Variants in PLPP7 observed in about 807,000 individuals in gnomAD.
PLPP7 encodes the protein phospholipid phosphatase 7 (inactive), also known as inactive phospholipid phosphatase 7.
PLPP7 carries 11 observed loss-of-function variants against 16.9 expected under a neutral mutation model. The ratio of observed to expected loss-of-function variants is 0.65; its 90% CI spans 0.41 to 1.08. The LOEUF (loss-of-function observed/expected upper bound fraction) is 1.08. Ranked by LOEUF, PLPP7 falls within the 50% of genes least tolerant of loss-of-function variation. The pLI, the probability that PLPP7 is intolerant of heterozygous loss-of-function variation, is 0.00. For synonymous variants in PLPP7, 174 were observed against 175.1 expected (o/e 0.99, Z 0.05); for missense variants, 358 against 397.1 (o/e 0.90, Z 0.84).
intron 1 of PLPP7, among the ~76,000 whole-genome samples, chr9:131,306,718 G>C (rs1488570275): frequency 6.6e-6 from 1 of 152,200 alleles, no homozygotes; most frequent in African/African-American, 2.4e-5. Flanking sequence ...GGAGTGTCTA[G>C]AGGAGGCAAA....
Position 131,290,195 on chromosome 9 carries a change from AGAG to A in PLPP7, c.204_206del (p.Glu68del). 6.3e-7 allele frequency: 1 copy of A among 1,594,792 alleles called. No individual in the cohort carries two copies. The highest frequency in any genetic ancestry group is 8.6e-7 in the Non-Finnish European group (1 of 1,168,228). On this transcript the variant is annotated inframe_deletion, in exon 1 of 2. Transcript: ENST00000372264. This position sits in a 1 kb window ranked among gnomAD's most constrained non-coding sequence, Gnocchi z 4.2. ...AGCGACGCCAGTCACAGCAGCTGCC[AGAG>A]GAGGACTGCATGCAGCTGAACCCCT...
At chr9:131,305,528 T>C (rs960286577) in intron 1 of PLPP7, among the ~76,000 whole-genome samples, 4 of 152,004 alleles carry the variant, frequency 2.6e-5, no homozygotes, top group African/African-American at 9.7e-5. Context: ...CACTCCAGCC[T>C]GGGCAACAGA....
rs548546981 is a variant in PLPP7 at position 131,301,552 on chromosome 9, C to A, written c.452-6371C>A. On this transcript the variant is annotated intron_variant, in intron 1 of 1. Transcript: ENST00000372264. ...TCTTGAGGTGGTGGAGGTCTTGGAA[C>A]CTGGGCCAGACAATTTTGACCCTGG... Among the ~76,000 whole-genome samples the A allele has an allele frequency of 1.1e-4, 17 of 152,324 alleles. No homozygotes were observed. In the South Asian group the frequency reaches 1.2e-3, roughly 11 times the overall value.
Position 131,290,085 on chromosome 9 carries a change from AAGGGGGGCCCGGAGC to A in PLPP7, c.89_103del (p.Lys30_Pro35delinsThr), listed in dbSNP as rs1413344521. ...GTTCCTGTCCCTGAACCAGCCCCCC[AAGGGGGGCCCGGAGC>A]CCCGCAGCTCGGGCAGAAAGGCCTC... On this transcript the variant is annotated inframe_deletion, in exon 1 of 2. Transcript: ENST00000372264. The surrounding 1 kb of genome is among the most constrained non-coding windows in gnomAD (Gnocchi z 4.2). The A allele has an allele frequency of 2.0e-6, 3 of 1,510,464 alleles. No individual in the cohort carries two copies. The highest frequency in any genetic ancestry group is 2.7e-6 in the Non-Finnish European group (3 of 1,130,520). The allele number at this position is 1,510,464 out of a possible 1,614,324, so 93.6% of individuals were successfully genotyped here. A position where few individuals can be genotyped will look rare whatever the true frequency, so the allele number is the denominator to read the frequency against.
intron 1 of PLPP7, among the ~76,000 whole-genome samples, chr9:131,305,385 TA>T (rs57655140): frequency 0.66 from 99,469 of 150,188 alleles, 33,947 homozygotes; most frequent in Middle Eastern, 0.78. Context: ...TGCCCATCTG[TA>T]AAAAAAAAAT....
chr9:131,307,950 C>A lies in PLPP7; in HGVS notation c.479C>A (p.Ala160Asp). The change falls in exon 2 of 2, where the codon GCC becomes GAC. Residue 160 changes from alanine to aspartate, a missense_variant. Transcript: ENST00000372264. ...LALLLDIMTV[A>D]GVQKLIKRRG... ...CTGCTCCTGGACATCATGACGGTGG[C>A]CGGCGTGCAGAAGCTCATCAAGCGG... The A allele has an allele frequency of 6.3e-7, 1 of 1,594,756 alleles. No individual in the cohort carries two copies. Among genetic ancestry groups the A allele is most frequent in the Non-Finnish European group, 8.5e-7 (1 of 1,176,808 alleles).
intron 1 of PLPP7, among the ~76,000 whole-genome samples, chr9:131,293,557 C>CG (rs1835705224): frequency 6.6e-6 from 1 of 152,208 alleles, no homozygotes; most frequent in Non-Finnish European, 1.5e-5. Flanking sequence ...TCCCCTGCCC[C>CG]GGGGAAAGCA....
intron 1 of PLPP7, chr9:131,291,253 C>T (rs1005490453): frequency 7.5e-7 from 1 of 1,332,520 alleles, no homozygotes; most frequent in Non-Finnish European, 1.0e-6. Flanking sequence ...AAGCTTCCAC[C>T]CTCCACGCCA....
intron 1 of PLPP7, among the ~76,000 whole-genome samples, chr9:131,305,848 C>T (rs548928957): frequency 1.4e-4 from 22 of 152,204 alleles, no homozygotes; most frequent in African/African-American, 4.8e-4. Flanking sequence ...AGGCTAGTCT[C>T]GGACTCCTGG....
Position 131,295,878 on chromosome 9 carries a change from C to A in PLPP7, c.451+5430C>A, listed in dbSNP as rs1465282313. Among the ~76,000 whole-genome samples the A allele has an allele frequency of 6.6e-6, 1 of 152,190 alleles. No individual in the cohort carries two copies. The highest frequency in any genetic ancestry group is 2.4e-5 in the African/African-American group (1 of 41,442). The stretch of plus-strand genomic sequence containing the variant: ...GAATAATGCTCAGTTACAGGATGGA[C>A]CACATTTCGTGTATCCATTCGTGCA... On this transcript the variant is annotated intron_variant, in intron 1 of 1. Coordinates refer to ENST00000372264, the MANE Select transcript of PLPP7 (RefSeq NM_032728.4). The surrounding 1 kb of genome is among the most constrained non-coding windows in gnomAD (Gnocchi z 4.0).
At chr9:131,291,866 GCCACC>G (rs1490135384) in intron 1 of PLPP7, among the ~76,000 whole-genome samples, 3 of 152,206 alleles carry the variant, frequency 2.0e-5, no homozygotes, top group African/African-American at 7.2e-5. Flanking sequence ...ATAGGCATGA[GCCACC>G]GTGCCTGGCC....
At position 131,290,279 on chromosome 9, in the gene PLPP7, G is replaced by A. The variant is rs756402035; in HGVS notation, c.282G>A (p.Lys94=). The A allele has an allele frequency of 3.7e-6, 6 of 1,612,386 alleles. No homozygotes were observed. In the South Asian group the frequency reaches 5.5e-5, roughly 15 times the overall value. ...TGGCCATCGATATCTGTATGTCCAA[G>A]CGGCTGGGGGTGTGCGCTGGCCGGG... ...SLLAIDICMS[K]RLGVCAGRAA... The change falls in exon 1 of 2, where the codon AAG becomes AAA. Residue 94 remains lysine (K), a synonymous_variant. Coordinates refer to ENST00000372264, the MANE Select transcript of PLPP7 (RefSeq NM_032728.4). The surrounding 1 kb of genome is among the most constrained non-coding windows in gnomAD (Gnocchi z 4.2).
intron 1 of PLPP7, among the ~76,000 whole-genome samples, chr9:131,306,789 G>A (rs1040270918): frequency 1.2e-4 from 18 of 152,178 alleles, no homozygotes; most frequent in Non-Finnish European, 2.6e-4. Context: ...GATGGGGAGT[G>A]GCTGCTTCGT....
intron 1 of PLPP7, chr9:131,291,475 G>T: frequency 1.0e-6 from 1 of 1,002,214 alleles, no homozygotes; most frequent in Non-Finnish European, 1.2e-6. Flanking sequence ...ATGCTCTCTG[G>T]GTGGGACTCG....
At chr9:131,293,806 A>G (rs1002851655) in intron 1 of PLPP7, among the ~76,000 whole-genome samples, 23 of 152,110 alleles carry the variant, frequency 1.5e-4, no homozygotes, top group Admixed American at 3.9e-4. Context: ...AGCATTTGGC[A>G]TGGTGGGTGC....
intron 1 of PLPP7, among the ~76,000 whole-genome samples, chr9:131,301,081 G>C (rs1835793942): frequency 6.6e-6 from 1 of 152,134 alleles, no homozygotes; most frequent in Non-Finnish European, 1.5e-5. Context: ...CGATTGTCCT[G>C]CCTCAGACTC....
intron 1 of PLPP7, chr9:131,291,022 C>G: frequency 7.4e-7 from 1 of 1,348,972 alleles, no homozygotes; most frequent in Non-Finnish European, 9.9e-7. Flanking sequence ...CTTCCCTGCT[C>G]CTTCCCAGGG....
chr9:131,299,014 T>C (rs1021305855), intron 1 of PLPP7, among the ~76,000 whole-genome samples: 2 of 151,564 alleles, frequency 1.3e-5, no homozygotes, highest in Non-Finnish European at 2.9e-5. Context: ...AGCCCTGGTG[T>C]CCTCTGACAT....
chr9:131,292,831 A>C (rs1835695324), intron 1 of PLPP7: 5 of 985,258 alleles, frequency 5.1e-6, no homozygotes, highest in Non-Finnish European at 4.8e-6. Context: ...CAAACATTGA[A>C]AAATTTGCAA....
Sources: allele counts gnomAD v4.1 joint callset (sites outside exome capture counted in the v4.1 genomes callset), GRCh38; gene constraint gnomAD v4.1.1; non-coding constraint Gnocchi (gnomAD v3.1); transcripts MANE v1.5; gene names NCBI Gene and HGNC (gene_info 2026-07-23, HGNC 2026-07-21).